Variants in GABRA3 observed in about 807,000 individuals in gnomAD.
GABRA3 encodes the protein gamma-aminobutyric acid type A receptor subunit alpha3.
In GABRA3, 10 loss-of-function variants were observed where a neutral mutation model predicts 30.1. The observed-to-expected ratio is 0.33, with a 90% confidence interval of 0.20 to 0.56. GABRA3 has a LOEUF of 0.56. GABRA3 is among the 20% of genes least tolerant of loss of function. The pLI is 0.89. For synonymous variants in GABRA3, 151 were observed against 146.8 expected, an observed-to-expected ratio of 1.03 and a Z score of -0.21; for missense variants, 233 against 392.0, an observed-to-expected ratio of 0.59 and a Z score of 3.42.
chrX:152,388,777 C>T (rs1322801684), intron 1 of GABRA3, among the ~76,000 whole-genome samples: 2 of 111,844 alleles, frequency 1.8e-5, no homozygotes, highest in African/African-American at 3.2e-5. Flanking sequence ...TGCAACCATG[C>T]AAAAGATTAT....
Position 152,345,575 on chromosome X carries a change from A to G in GABRA3, c.262+6T>C, listed in dbSNP as rs1476945641. ...AAAGGACTTCAAAGATCTTAAAAGG[A>G]CTGACCTCCAAGCCCAGGTCGCAGC... On this transcript the variant is annotated splice_donor_region_variant and intron_variant, in intron 3 of 9. Transcript: ENST00000370314. 1 of 1,199,857 alleles carries G rather than the reference A, an allele frequency of 8.3e-7. No homozygotes were observed. The highest frequency in any genetic ancestry group is 3.0e-5 in the East Asian group (1 of 33,756).
chrX:152,222,319 C>T (rs1309527501), intron 6 of GABRA3, among the ~76,000 whole-genome samples: 1 of 106,536 alleles, frequency 9.4e-6, no homozygotes, highest in African/African-American at 3.4e-5. Context: ...GTCATCTGAT[C>T]CTGCCTTCTG....
intron 4 of GABRA3, among the ~76,000 whole-genome samples, chrX:152,275,218 A>ATATATAATTTATATATATTTAATAT (rs1569378261): frequency 2.2e-4 from 16 of 71,981 alleles, no homozygotes; most frequent in African/African-American, 8.7e-4. Flanking sequence ...ATAATATTAT[A>ATATATAATTTATATATATTTAATAT]TATATATAAT....
chrX:152,379,388 A>T (rs1929080499), intron 1 of GABRA3, among the ~76,000 whole-genome samples: 1 of 111,558 alleles, frequency 9.0e-6, no homozygotes, highest in South Asian at 3.8e-4. Flanking sequence ...CAAAATACAT[A>T]TTAGAACATA....
chrX:152,198,654 C>G (rs1489890311), intron 7 of GABRA3, among the ~76,000 whole-genome samples: 3 of 112,102 alleles, frequency 2.7e-5, no homozygotes, highest in Non-Finnish European at 5.6e-5. Flanking sequence ...TCTCCTACTT[C>G]ACAGACCATT....
chrX:152,268,711 G>A (rs755634967), intron 4 of GABRA3, among the ~76,000 whole-genome samples: 2 of 111,263 alleles, frequency 1.8e-5, no homozygotes, highest in Non-Finnish European at 3.8e-5. Context: ...GAGACTATAA[G>A]TGCATGTCAC....
At chrX:152,181,138 T>C (rs1393392987) in intron 9 of GABRA3, among the ~76,000 whole-genome samples, 1 of 111,966 alleles carries the variant, frequency 8.9e-6, no homozygotes, top group African/African-American at 3.2e-5. Context: ...GGCATGAACA[T>C]TTTAACAATA....
chrX:152,221,420 C>G (rs772361486), intron 6 of GABRA3, among the ~76,000 whole-genome samples: 6 of 111,761 alleles, frequency 5.4e-5, no homozygotes, highest in Non-Finnish European at 1.1e-4. Flanking sequence ...TTCTAAATTA[C>G]TGTAACTTCA....
chrX:152,251,192 CA>C, intron 5 of GABRA3: 1 of 294,544 alleles, frequency 3.4e-6, no homozygotes, highest in Non-Finnish European at 6.6e-6. Context: ...ACAGAATAAG[CA>C]CAAGGGCATT....
At chrX:152,207,293 T>C (rs979269302) in intron 7 of GABRA3, among the ~76,000 whole-genome samples, 1 of 111,724 alleles carries the variant, frequency 9.0e-6, no homozygotes, top group Non-Finnish European at 1.9e-5. Flanking sequence ...AAAAATATTA[T>C]GTGATATGTG....
Position 152,168,564 on chromosome X carries a change from C to G in GABRA3, c.1144-1G>C. The G allele has an allele frequency of 1.7e-6, 2 of 1,187,527 alleles. No homozygotes were observed. Among genetic ancestry groups the G allele is most frequent in the Non-Finnish European group, 2.3e-6 (2 of 875,909 alleles). On this transcript the variant is annotated splice_acceptor_variant, in intron 9 of 9. Coordinates refer to ENST00000370314, the MANE Select transcript of GABRA3 (RefSeq NM_000808.4). LOFTEE classifies it high-confidence loss of function. ...TTGCTGGGGCTGCTGGTGTTTTCTT[C>G]TAGAGGCCAGGAAAAAGAGGGGGGG...
chrX:152,292,715 G>T (rs1299819105), intron 3 of GABRA3, among the ~76,000 whole-genome samples: 4 of 111,652 alleles, frequency 3.6e-5, no homozygotes, highest in Admixed American at 9.6e-5. Flanking sequence ...TCTACACACT[G>T]CTTTAAATGT....
chrX:152,324,447 T>C (rs1053678313), intron 3 of GABRA3, among the ~76,000 whole-genome samples: 1 of 112,208 alleles, frequency 8.9e-6, no homozygotes, highest in African/African-American at 3.2e-5. Context: ...GAGAAGCTGT[T>C]GACATTGTGT....
chrX:152,444,732 G>GGTTTTTTTT (rs1931019495), intron 1 of GABRA3, among the ~76,000 whole-genome samples: 1 of 23,229 alleles, frequency 4.3e-5, no homozygotes. Flanking sequence ...TAATACTTGT[G>GGTTTTTTTT]TGTTTTTTTT....
intron 4 of GABRA3, among the ~76,000 whole-genome samples, chrX:152,283,343 C>T (rs1030866003): frequency 9.0e-6 from 1 of 111,400 alleles, no homozygotes; most frequent in Non-Finnish European, 1.9e-5. Context: ...TACTTGCCCT[C>T]GAGGAGTTCA....
intron 1 of GABRA3, among the ~76,000 whole-genome samples, chrX:152,392,031 G>C (rs2124515463): frequency 1.8e-5 from 2 of 111,792 alleles, no homozygotes; most frequent in South Asian, 3.8e-4. Context: ...AAACAGAAGG[G>C]TGAAATGACT....
intron 4 of GABRA3, among the ~76,000 whole-genome samples, chrX:152,270,165 G>A (rs1327152488): frequency 4.5e-5 from 5 of 111,673 alleles, no homozygotes; most frequent in Non-Finnish European, 7.5e-5. Flanking sequence ...CCCATGTGTC[G>A]TGGGAGGTAA....
At chrX:152,243,201 A>T (rs1938409519) in intron 5 of GABRA3, among the ~76,000 whole-genome samples, 1 of 111,823 alleles carries the variant, frequency 8.9e-6, no homozygotes, top group South Asian at 3.7e-4. Flanking sequence ...AAGTGGGAGG[A>T]TTGAGGAGAT....
chrX:152,387,430 A>C (rs1428442029), intron 1 of GABRA3, among the ~76,000 whole-genome samples: 2 of 111,797 alleles, frequency 1.8e-5, no homozygotes, highest in African/African-American at 6.5e-5. Context: ...AGTGGAAGTA[A>C]AGTGGGAAAG....
Sources: allele counts gnomAD v4.1 joint callset (sites outside exome capture counted in the v4.1 genomes callset), GRCh38; gene constraint gnomAD v4.1.1; transcripts MANE v1.5; gene names NCBI Gene and HGNC (gene_info 2026-07-23, HGNC 2026-07-21).